Variants in POU2F1 observed in about 807,000 individuals in gnomAD.
POU2F1 encodes POU domain, class 2, transcription factor 1.
Under a neutral mutation model 84.9 loss-of-function variants are expected in POU2F1, and 16 were observed. The ratio of observed to expected loss-of-function variants is 0.19; its 90% CI spans 0.13 to 0.29. The LOEUF is 0.29. POU2F1 is among the 10% of genes least tolerant of loss of function. POU2F1 has a pLI of 1.00. For synonymous variants in POU2F1, 368 were observed against 368.3 expected, an observed-to-expected ratio of 1.00 and a Z score of 0.01; for missense variants, 738 against 942.6, an observed-to-expected ratio of 0.78 and a Z score of 2.84.
At chr1:167,274,890 T>C (rs1303025468) in intron 1 of POU2F1, among the ~76,000 whole-genome samples, 2 of 152,132 alleles carry the variant, frequency 1.3e-5, no homozygotes, top group African/African-American at 4.8e-5. Context: ...CCTTTACAGC[T>C]CCTTCTTGTT....
At chr1:167,315,686 C>T (rs1655841035) in intron 1 of POU2F1, among the ~76,000 whole-genome samples, 1 of 151,728 alleles carries the variant, frequency 6.6e-6, no homozygotes, top group Non-Finnish European at 1.5e-5. Context: ...TGCTGGTAGT[C>T]CCAGCTACTT....
chr1:167,260,886 A>G (rs1651514387), intron 1 of POU2F1, among the ~76,000 whole-genome samples: 1 of 152,138 alleles, frequency 6.6e-6, no homozygotes, highest in Non-Finnish European at 1.5e-5. Context: ...CATTTAATGC[A>G]CTAAAATTTT....
chr1:167,367,101 A>G (rs978407555), intron 3 of POU2F1, among the ~76,000 whole-genome samples: 1 of 152,166 alleles, frequency 6.6e-6, no homozygotes, highest in Non-Finnish European at 1.5e-5. Context: ...AAGGACTGCA[A>G]ACAAAAGAAT....
intron 12 of POU2F1, 134 bp from the exon 13 acceptor site, chr1:167,401,317 A>G: frequency 1.8e-6 from 1 of 560,562 alleles, no homozygotes. Flanking sequence ...GTGAACAACC[A>G]TCTTCGAATA....
chr1:167,337,264 T>C (rs1467535223), intron 2 of POU2F1, among the ~76,000 whole-genome samples: 1 of 151,262 alleles, frequency 6.6e-6, no homozygotes, highest in Non-Finnish European at 1.5e-5. Flanking sequence ...CAGTCGAGGC[T>C]ACAGTGAGCT....
chr1:167,374,083 C>T (rs773983515), intron 5 of POU2F1, 25 bp from the exon 6 acceptor site: 4 of 1,610,824 alleles, frequency 2.5e-6, no homozygotes, highest in Non-Finnish European at 2.5e-6. Context: ...AACACTTTCC[C>T]ATAATGTGTT....
intron 1 of POU2F1, among the ~76,000 whole-genome samples, chr1:167,251,269 A>G (rs1266906704): frequency 6.6e-6 from 1 of 152,060 alleles, no homozygotes; most frequent in African/African-American, 2.4e-5. Flanking sequence ...TGTGGTAGCA[A>G]GCGCCTGTGG....
At chr1:167,336,298 A>AT (rs1657439965) in intron 2 of POU2F1, among the ~76,000 whole-genome samples, 1 of 152,250 alleles carries the variant, frequency 6.6e-6, no homozygotes, top group Non-Finnish European at 1.5e-5. Context: ...TTGCTATTGC[A>AT]ATGATCTCAA....
At chr1:167,351,157 A>G (rs1346377519) in intron 2 of POU2F1, among the ~76,000 whole-genome samples, 1 of 152,164 alleles carries the variant, frequency 6.6e-6, no homozygotes, top group Non-Finnish European at 1.5e-5. Flanking sequence ...GTTCTAGACC[A>G]GCCTGGCCGA....
At chr1:167,315,602 C>A (rs1225259007) in intron 1 of POU2F1, among the ~76,000 whole-genome samples, 1 of 151,980 alleles carries the variant, frequency 6.6e-6, no homozygotes, top group Non-Finnish European at 1.5e-5. Context: ...ATAGTGAGGA[C>A]TTGTCTCTAA....
Position 167,415,556 on chromosome 1 carries a change from G to A in POU2F1, c.2047G>A (p.Val683Ile), listed in dbSNP as rs766649782. ...ATCACTTGATGCAACTGGGAACCTG[G>A]TATTTGCCAATGCGGGAGGAGCCCC... is the stretch of plus-strand genomic sequence containing the variant. ...ITSLDATGNL[V>I]FANAGGAPNI... The change falls in exon 16 of 16, where the codon GTA (valine) becomes ATA (isoleucine). Residue 683 changes from valine to isoleucine, a missense_variant. Transcript: ENST00000367866. The A allele has an allele frequency of 6.2e-7, 1 of 1,614,118 alleles. No homozygotes were observed. The highest frequency in any genetic ancestry group is 1.1e-5 in the South Asian group (1 of 91,074).
intron 1 of POU2F1, among the ~76,000 whole-genome samples, chr1:167,302,401 C>G (rs949385122): frequency 1.3e-5 from 2 of 152,074 alleles, no homozygotes; most frequent in Non-Finnish European, 2.9e-5. Flanking sequence ...GCTGGGATTA[C>G]AGGCATGCAT....
chr1:167,251,070 C>T (rs1364369848), intron 1 of POU2F1, among the ~76,000 whole-genome samples: 2 of 152,106 alleles, frequency 1.3e-5, no homozygotes, highest in Non-Finnish European at 2.9e-5. Context: ...ATAAGAACAT[C>T]TCATATGAGT....
At chr1:167,269,176 A>G (rs1022332901) in intron 1 of POU2F1, among the ~76,000 whole-genome samples, 4 of 152,246 alleles carry the variant, frequency 2.6e-5, no homozygotes, top group Non-Finnish European at 5.9e-5. Flanking sequence ...GAAATTAAAA[A>G]AAAGAAGTAA....
At chr1:167,277,001 G>A (rs969541459) in intron 1 of POU2F1, among the ~76,000 whole-genome samples, 1 of 152,158 alleles carries the variant, frequency 6.6e-6, no homozygotes, top group Non-Finnish European at 1.5e-5. Context: ...CCATGGAATA[G>A]TTCACTATTC....
intron 1 of POU2F1, among the ~76,000 whole-genome samples, chr1:167,314,710 G>A (rs374633560): frequency 1.7e-3 from 258 of 152,252 alleles, no homozygotes; most frequent in African/African-American, 6.0e-3. Flanking sequence ...GGAGGTTGAG[G>A]CTGTAGTGAG....
chr1:167,237,252 G>A (rs997286700), intron 1 of POU2F1, among the ~76,000 whole-genome samples: 2 of 152,162 alleles, frequency 1.3e-5, no homozygotes, highest in Non-Finnish European at 2.9e-5. Context: ...ATACTTATGC[G>A]TGTTGGGGAG....
At chr1:167,365,370 T>G (rs1008583324) in intron 2 of POU2F1, 97 bp from the exon 3 acceptor site, 16 of 847,712 alleles carry the variant, frequency 1.9e-5, no homozygotes, top group Non-Finnish European at 2.8e-5. Flanking sequence ...AAAGTACTTA[T>G]GCAAAATAGG....
intron 1 of POU2F1, among the ~76,000 whole-genome samples, chr1:167,300,568 G>A (rs143836622): frequency 0.043 from 6,579 of 152,100 alleles, 179 homozygotes; most frequent in African/African-American, 0.078. Context: ...AGGTTCAAGC[G>A]ATTCTCCTGC....
Sources: allele counts gnomAD v4.1 joint callset (sites outside exome capture counted in the v4.1 genomes callset), GRCh38; gene constraint gnomAD v4.1.1; transcripts MANE v1.5; gene names NCBI Gene and HGNC (gene_info 2026-07-23, HGNC 2026-07-21).